Variants in ACCSL observed in about 807,000 individuals in gnomAD.
The protein encoded by ACCSL is 1-aminocyclopropane-1-carboxylate synthase homolog (inactive) like, also known as probable inactive 1-aminocyclopropane-1-carboxylate synthase-like protein 2.
ACCSL carries 55 observed loss-of-function variants against 61.7 expected under a neutral mutation model. The observed-to-expected ratio is 0.89, with a 90% CI of 0.72 to 1.12. ACCSL has a LOEUF of 1.12. Ranked by LOEUF, ACCSL falls within the 50% of genes most tolerant of loss-of-function variation. The pLI, the probability that ACCSL is intolerant of heterozygous loss-of-function variation, is 0.00. For missense variants in ACCSL, 632 were observed against 698.0 expected (o/e 0.91, Z 1.07); for synonymous variants, 258 against 264.3 (o/e 0.98, Z 0.23).
chr11:44,039,750 C>G, the ACCSL span, among the ~76,000 whole-genome samples: 1 of 152,220 alleles, frequency 6.6e-6, no homozygotes, highest in African/African-American at 2.4e-5. Context: ...GTGTGTTAAA[C>G]AAGCTCTCAT....
At chr11:43,942,035 CGTGTGT>C in the ACCSL span, among the ~76,000 whole-genome samples, 18,347 of 89,326 alleles carry the variant, frequency 0.21, 1,439 homozygotes, top group Admixed American at 0.35. Context: ...TGCATTCGTG[CGTGTGT>C]GTGTGTGTGT....
the ACCSL span, among the ~76,000 whole-genome samples, chr11:43,973,056 G>C: frequency 0.034 from 5,183 of 152,238 alleles, 316 homozygotes; most frequent in African/African-American, 0.12. Context: ...CTTGGACCCT[G>C]CCTCAATAAT....
the ACCSL span, among the ~76,000 whole-genome samples, chr11:43,963,351 G>A: frequency 1.3e-5 from 2 of 152,238 alleles, no homozygotes; most frequent in Non-Finnish European, 2.9e-5. Context: ...GGTTTACCCA[G>A]TGACAAGCTT....
chr11:44,056,447 T>C, intron 11 of ACCSL, 121 bp downstream of exon 11: 1 of 1,310,646 alleles, frequency 7.6e-7, no homozygotes, highest in Non-Finnish European at 1.0e-6. Context: ...CTGTCTCAGA[T>C]TTAACTGTGG....
chr11:43,941,203 C>T, the ACCSL span, among the ~76,000 whole-genome samples: 36 of 152,306 alleles, frequency 2.4e-4, 1 homozygote, highest in South Asian at 7.0e-3. Flanking sequence ...TGGTCCCGTG[C>T]TCTAAGCATC....
At chr11:43,942,031 CGTGCGTGTGTGTGTGT>C in the ACCSL span, among the ~76,000 whole-genome samples, 31 of 114,542 alleles carry the variant, frequency 2.7e-4, no homozygotes, top group East Asian at 1.0e-3. Flanking sequence ...TGTTTGCATT[CGTGCGTGTGTGTGTGT>C]GTGTGTGTGT....
At chr11:43,923,101 C>T in the ACCSL span, among the ~76,000 whole-genome samples, 3 of 152,292 alleles carry the variant, frequency 2.0e-5, no homozygotes, top group African/African-American at 7.2e-5. Flanking sequence ...TGCCCTAGTG[C>T]GTGGCAGGTC....
At chr11:43,956,200 T>C in the ACCSL span, among the ~76,000 whole-genome samples, 14 of 152,118 alleles carry the variant, frequency 9.2e-5, no homozygotes, top group African/African-American at 3.4e-4. Flanking sequence ...GTTCGAACAG[T>C]TGGCTACAAA....
chr11:43,927,091 A>G, the ACCSL span, among the ~76,000 whole-genome samples: 4 of 152,360 alleles, frequency 2.6e-5, no homozygotes, highest in East Asian at 7.7e-4. Flanking sequence ...CTACACATTT[A>G]TGTGCTTTTT....
At chr11:44,004,696 C>T in the ACCSL span, among the ~76,000 whole-genome samples, 270 of 152,294 alleles carry the variant, frequency 1.8e-3, 2 homozygotes, top group African/African-American at 6.4e-3. Context: ...CATCTGCCCG[C>T]CCTATCCTCA....
the ACCSL span, among the ~76,000 whole-genome samples, chr11:44,007,732 A>G: frequency 1.3e-5 from 2 of 152,230 alleles, no homozygotes; most frequent in Non-Finnish European, 2.9e-5. Context: ...CCTCTGGAAA[A>G]TAAGGATGAT....
chr11:43,943,058 C>T, the ACCSL span: 2 of 1,498,938 alleles, frequency 1.3e-6, no homozygotes, highest in Non-Finnish European at 1.8e-6. The surrounding 1 kb of genome is among the most constrained non-coding windows in gnomAD (Gnocchi z 4.8). Context: ...GCGCCAGTCT[C>T]GCTTCAAGAC....
chr11:43,999,295 C>T, the ACCSL span, among the ~76,000 whole-genome samples: 1 of 152,116 alleles, frequency 6.6e-6, no homozygotes, highest in Admixed American at 6.5e-5. Flanking sequence ...CACAAATTTC[C>T]AGGCTTAAAA....
the ACCSL span, among the ~76,000 whole-genome samples, chr11:43,928,904 C>G: frequency 2.6e-5 from 4 of 152,220 alleles, no homozygotes; most frequent in Non-Finnish European, 4.4e-5. Context: ...GAGAGGCAGC[C>G]ACTGCCCCCA....
the ACCSL span, among the ~76,000 whole-genome samples, chr11:43,965,264 A>G: frequency 6.6e-6 from 1 of 152,204 alleles, no homozygotes; most frequent in African/African-American, 2.4e-5. Flanking sequence ...GCAAGGTATA[A>G]TATCAACATA....
At chr11:43,982,588 C>T in the ACCSL span, among the ~76,000 whole-genome samples, 4 of 152,232 alleles carry the variant, frequency 2.6e-5, no homozygotes, top group South Asian at 2.1e-4. Flanking sequence ...GTGAACCGCC[C>T]GCATGGGGAG....
the ACCSL span, chr11:43,933,082 T>G: frequency 6.6e-6 from 3 of 456,094 alleles, no homozygotes; most frequent in Non-Finnish European, 1.3e-5. Flanking sequence ...TCTTCTCTGT[T>G]TTTCCAGTAG....
At chr11:44,028,748 C>G in the ACCSL span, among the ~76,000 whole-genome samples, 5 of 152,164 alleles carry the variant, frequency 3.3e-5, no homozygotes, top group African/African-American at 1.2e-4. Flanking sequence ...GCCTCAGTCT[C>G]CTTGTCTGTA....
At chr11:43,942,751 C>A in the ACCSL span, 1 of 211,612 alleles carries the variant, frequency 4.7e-6, no homozygotes. Flanking sequence ...GAGCGCCGGC[C>A]CGGGCCCGCG....
Sources: allele counts gnomAD v4.1 joint callset (sites outside exome capture counted in the v4.1 genomes callset), GRCh38; gene constraint gnomAD v4.1.1; non-coding constraint Gnocchi (gnomAD v3.1); transcripts MANE v1.5; gene names NCBI Gene and HGNC (gene_info 2026-07-23, HGNC 2026-07-21).